The following ITPR2 variants were observed in gnomAD, a reference collection of about 807,000 sequenced individuals.
ITPR2 encodes inositol 1,4,5-trisphosphate-gated calcium channel ITPR2.
A neutral mutation model predicts 317.1 loss-of-function variants in ITPR2; 207 were observed. The observed-to-expected ratio is 0.65, with a 90% confidence interval of 0.58 to 0.73. ITPR2 has a LOEUF of 0.73. Ranked by LOEUF, ITPR2 falls within the 30% of genes least tolerant of loss-of-function variation. The probability of loss-of-function intolerance (pLI) is 0.00; values close to 1 mark genes in which losing one functional copy is unlikely to be tolerated. For synonymous variants in ITPR2, 1,156 were observed against 1,149.1 expected, an observed-to-expected ratio of 1.01 and a Z score of -0.12; for missense variants, 2,613 against 3,284.0, an observed-to-expected ratio of 0.80 and a Z score of 4.99.
chr12:26,510,004 G>GTGTGTGTGT (rs1555144482), intron 37 of ITPR2, among the ~76,000 whole-genome samples: 222 of 112,046 alleles, frequency 2.0e-3, no homozygotes, highest in Non-Finnish European at 3.3e-3. Flanking sequence ...GTGTGTGTGT[G>GTGTGTGTGT]GTGGGGGGTG....
intron 2 of ITPR2, among the ~76,000 whole-genome samples, chr12:26,772,603 A>G (rs1211536408): frequency 6.8e-6 from 1 of 146,312 alleles, no homozygotes; most frequent in Non-Finnish European, 1.5e-5. Context: ...TAGATTATAA[A>G]TTCCTTGAGA....
intron 37 of ITPR2, among the ~76,000 whole-genome samples, chr12:26,524,100 G>A (rs1019449743): frequency 2.0e-5 from 3 of 152,150 alleles, no homozygotes; most frequent in African/African-American, 4.8e-5. Context: ...AGATTATAAC[G>A]GGATAGAAGG....
intron 44 of ITPR2, among the ~76,000 whole-genome samples, chr12:26,475,846 G>A (rs902896205): frequency 4.6e-5 from 7 of 152,152 alleles, no homozygotes; most frequent in African/African-American, 1.2e-4. Context: ...AACACAGTGC[G>A]GTGCCATCGG....
intron 26 of ITPR2, among the ~76,000 whole-genome samples, chr12:26,613,878 G>C (rs935347860): frequency 1.3e-5 from 2 of 152,130 alleles, no homozygotes; most frequent in Admixed American, 6.6e-5. Flanking sequence ...AAGCCAAAAG[G>C]TATGTTCAAT....
intron 52 of ITPR2, among the ~76,000 whole-genome samples, chr12:26,410,711 T>C (rs925656736): frequency 6.6e-6 from 1 of 152,292 alleles, no homozygotes; most frequent in Admixed American, 6.5e-5. Context: ...TCTTCTACAG[T>C]TCCTTATATA....
At chr12:26,823,083 G>A (rs910752036) in intron 1 of ITPR2, among the ~76,000 whole-genome samples, 7 of 151,912 alleles carry the variant, frequency 4.6e-5, no homozygotes, top group Admixed American at 3.9e-4. Flanking sequence ...TGAAGCTCCC[G>A]CCAGGTCATC....
At chr12:26,544,188 CTTTA>C (rs1944332588) in intron 37 of ITPR2, among the ~76,000 whole-genome samples, 1 of 151,990 alleles carries the variant, frequency 6.6e-6, no homozygotes, top group African/African-American at 2.4e-5. Context: ...TTAAATTTTC[CTTTA>C]TTTATTTTAT....
chr12:26,684,903 C>A (rs1202573524), intron 11 of ITPR2, among the ~76,000 whole-genome samples: 1 of 151,618 alleles, frequency 6.6e-6, no homozygotes, highest in Non-Finnish European at 1.5e-5. Flanking sequence ...CAGGTAAAAC[C>A]AGAGAGGATC....
At position 26,722,552 on chromosome 12, in the gene ITPR2, G is replaced by A; in HGVS notation, c.370C>T (p.Leu124=). The A allele has an allele frequency of 6.2e-7, 1 of 1,608,174 alleles. No individual in the cohort carries two copies. Among genetic ancestry groups the A allele is most frequent in the Non-Finnish European group, 8.5e-7 (1 of 1,175,780 alleles). Reference sequence around the variant, plus strand: ...AGATATTTGTTGCTTTTTATATGCAGTAGCTATAGGGAAAAGACATAGATT... The same window carrying A: ...AGATATTTGTTGCTTTTTATATGCAATAGCTATAGGGAAAAGACATAGATT... ...IVKYSNVIQL[L]HIKSNKYLTV... Residue 124 remains leucine, a synonymous_variant, in exon 5 of 57, where the codon CTG becomes TTG. Coordinates refer to ENST00000381340, the MANE Select transcript of ITPR2 (RefSeq NM_002223.4).
chr12:26,644,734 C>T (rs1947071947), intron 21 of ITPR2, among the ~76,000 whole-genome samples: 2 of 152,226 alleles, frequency 1.3e-5, no homozygotes, highest in Middle Eastern at 3.4e-3. Context: ...TCCCATGACA[C>T]GTGGGAATTA....
At chr12:26,592,634 T>C (rs112553624) in intron 32 of ITPR2, among the ~76,000 whole-genome samples, 2,766 of 152,338 alleles carry the variant, frequency 0.018, 36 homozygotes, top group Non-Finnish European at 0.027. Flanking sequence ...ATGAACTGTA[T>C]ATAAATTTGA....
intron 37 of ITPR2, among the ~76,000 whole-genome samples, chr12:26,525,479 G>A (rs1330358925): frequency 6.6e-6 from 1 of 152,058 alleles, no homozygotes; most frequent in Non-Finnish European, 1.5e-5. Context: ...TAATCTTATA[G>A]AGTCACTCCT....
chr12:26,461,530 C>T (rs972976951), intron 45 of ITPR2, among the ~76,000 whole-genome samples: 4 of 151,070 alleles, frequency 2.6e-5, no homozygotes, highest in African/African-American at 9.8e-5. Context: ...AAAATATTTA[C>T]TATGTAGTAC....
intron 37 of ITPR2, among the ~76,000 whole-genome samples, chr12:26,497,088 G>T (rs550052054): frequency 1.4e-4 from 19 of 140,540 alleles, no homozygotes; most frequent in South Asian, 6.5e-4. Context: ...CCTTTCAGCT[G>T]TAGCTTCCAA....
In ITPR2 at chr12:26,359,897, G is replaced by A. The variant is rs551833047; in HGVS notation, c.7858-19569C>T. Among the ~76,000 whole-genome samples the A allele has an allele frequency of 2.0e-5, 3 of 152,210 alleles. No individual in the cohort carries two copies. In the South Asian group the frequency reaches 6.2e-4, roughly 32 times the overall value. On this transcript the variant is annotated intron_variant, in intron 55 of 56. Transcript: ENST00000381340. ...CACCCTACTGCTTGGTAACCTTGTG[G>A]GAATGAGGAACCCATTCTTCTGTTC...
rs1253942191 is a variant in ITPR2 at position 26,476,938 on chromosome 12, G to T, written c.6193C>A (p.Leu2065Ile). ...AGTTCTCTGGGTCTCATGTTAAAAA[G>T]AATTCTTTCTGCATTCTCACTGTCA... ...RHDSENAERILFNMRPRELVD... is the reference protein window; with the variant it reads ...RHDSENAERIIFNMRPRELVD... The change falls in exon 44 of 57, where the codon CTT (leucine) becomes ATT (isoleucine). Residue 2065 changes from leucine (L) to isoleucine (I), a missense_variant. Coordinates refer to ENST00000381340, the MANE Select transcript of ITPR2 (RefSeq NM_002223.4). The T allele has an allele frequency of 1.2e-6, 2 of 1,612,984 alleles. No individual in the cohort carries two copies. Among genetic ancestry groups the T allele is most frequent in the South Asian group, 1.1e-5 (1 of 90,976 alleles).
intron 39 of ITPR2, among the ~76,000 whole-genome samples, chr12:26,491,282 G>A (rs550378801): frequency 2.0e-5 from 3 of 152,066 alleles, no homozygotes; most frequent in Non-Finnish European, 4.4e-5. Flanking sequence ...AGGAGATCAA[G>A]ACCATCCTGG....
intron 55 of ITPR2, among the ~76,000 whole-genome samples, chr12:26,369,226 T>A (rs541535275): frequency 6.7e-4 from 102 of 152,304 alleles, no homozygotes; most frequent in African/African-American, 2.4e-3. Context: ...CTATGTAGAG[T>A]AGAAAGCCAG....
intron 2 of ITPR2, among the ~76,000 whole-genome samples, chr12:26,755,515 T>A (rs1949504735): frequency 6.6e-6 from 1 of 152,218 alleles, no homozygotes; most frequent in Admixed American, 6.5e-5. Context: ...CAAGAAAACT[T>A]TTCTTTTGAG....
Sources: gnomAD v4.1 joint callset for allele counts (sites outside exome capture counted in the v4.1 genomes callset) on GRCh38, gnomAD v4.1.1 for gene constraint, MANE v1.5 for transcripts, NCBI Gene and HGNC (gene_info 2026-07-23, HGNC 2026-07-21) for gene names.